Variants in TMEM63C observed in about 807,000 individuals in gnomAD.
The protein encoded by TMEM63C is osmosensitive cation channel TMEM63C.
Under a neutral mutation model 99.2 loss-of-function variants are expected in TMEM63C, and 32 were observed. The ratio of observed to expected loss-of-function variants is 0.32; its 90% CI spans 0.24 to 0.43. TMEM63C has a LOEUF of 0.43. Ranked by LOEUF, TMEM63C falls within the 20% of genes least tolerant of loss-of-function variation. The pLI, the probability that TMEM63C is intolerant of heterozygous loss-of-function variation, is 1.00. For synonymous variants in TMEM63C, 376 were observed against 397.9 expected, an observed-to-expected ratio of 0.94 and a Z score of 0.66; for missense variants, 826 against 1,053.0, an observed-to-expected ratio of 0.78 and a Z score of 2.98.
chr14:77,218,115 C>G (rs192213061), intron 2 of TMEM63C, among the ~76,000 whole-genome samples: 24 of 151,968 alleles, frequency 1.6e-4, no homozygotes, highest in Admixed American at 1.4e-3. Flanking sequence ...AGGATAAATG[C>G]TCGAAAGGAT....
chr14:77,191,468 A>G (rs1372245321), intron 1 of TMEM63C, among the ~76,000 whole-genome samples: 1 of 148,708 alleles, frequency 6.7e-6, no homozygotes, highest in Non-Finnish European at 1.5e-5. Flanking sequence ...TCTATTAGGT[A>G]CAATTGGTCT....
intron 5 of TMEM63C, among the ~76,000 whole-genome samples, chr14:77,224,488 G>A (rs568128429): frequency 6.6e-6 from 1 of 152,196 alleles, no homozygotes; most frequent in Admixed American, 6.5e-5. Flanking sequence ...AAGTCCTCTG[G>A]GATCCCAGAA....
At chr14:77,245,884 C>A (rs1889261802) in intron 16 of TMEM63C, 56 bp from the exon 17 acceptor site, 2 of 1,283,138 alleles carry the variant, frequency 1.6e-6, no homozygotes, top group Admixed American at 1.7e-5. Flanking sequence ...CATAGTTAGG[C>A]CTTTGGTTCT....
rs747546793 is a variant in TMEM63C at position 77,246,015 on chromosome 14, G to A, written c.1524G>A (p.Met508Ile). 3.2e-5 allele frequency: 51 copies of A among 1,613,218 alleles called. No individual in the cohort carries two copies. Among genetic ancestry groups the A allele is most frequent in the Non-Finnish European group, 3.9e-5 (46 of 1,179,186 alleles). ...LVFMVVILPS[M>I]GLTSLDVFLR... ...TCATGGTAGTCATTCTGCCCTCTATGGGACTGACCAGGTACCTCACTTCCA... is the reference window on the plus strand; with the variant it reads ...TCATGGTAGTCATTCTGCCCTCTATAGGACTGACCAGGTACCTCACTTCCA... Residue 508 changes from methionine (M) to isoleucine (I), a missense_variant, in exon 17 of 24, where the codon ATG (methionine) becomes ATA (isoleucine). Transcript: ENST00000298351.
intron 7 of TMEM63C, among the ~76,000 whole-genome samples, chr14:77,232,406 G>C (rs1274040211): frequency 1.3e-5 from 2 of 152,100 alleles, no homozygotes; most frequent in African/African-American, 2.4e-5. Flanking sequence ...TCCTGCCTCA[G>C]CCTCCTGAGT....
At chr14:77,186,168 C>T (rs568267970) in intron 1 of TMEM63C, among the ~76,000 whole-genome samples, 5 of 152,144 alleles carry the variant, frequency 3.3e-5, no homozygotes, top group Admixed American at 1.3e-4. Context: ...TGCGCCAACA[C>T]GTCGGCTAAT....
intron 16 of TMEM63C, 140 bp downstream of exon 16, chr14:77,244,595 A>G (rs1308127401): frequency 3.0e-6 from 2 of 676,682 alleles, no homozygotes; most frequent in Non-Finnish European, 5.1e-6. Flanking sequence ...GATACCTGAA[A>G]CCATCCCCAA....
At chr14:77,240,244 G>T (rs1465879978) in intron 12 of TMEM63C, among the ~76,000 whole-genome samples, 1 of 152,202 alleles carries the variant, frequency 6.6e-6, no homozygotes, top group Non-Finnish European at 1.5e-5. Flanking sequence ...AAGCCCCCGG[G>T]TACCCCTAGC....
In TMEM63C at chr14:77,218,917, T is replaced by C. The variant is rs769680433; in HGVS notation, c.104T>C (p.Phe35Ser). The stretch of plus-strand genomic sequence containing the variant: ...AACACCGTCCTCCAGGGGCAGCCCT[T>C]TGGGGGTGTCCCCACCGTGCTGTGC... ...SRNTVLQGQP[F>S]GGVPTVLCLN... Residue 35 changes from phenylalanine to serine, a missense_variant, in exon 3 of 24, where the codon TTT (phenylalanine) becomes TCT (serine). Coordinates refer to ENST00000298351, the MANE Select transcript of TMEM63C (RefSeq NM_020431.4). 5.0e-6 allele frequency: 8 copies of C among 1,610,276 alleles called. No homozygotes were observed. The Admixed American group carries it at 5.0e-5, about 10-fold the overall frequency.
chr14:77,226,438 T>A (rs41438045), intron 6 of TMEM63C, among the ~76,000 whole-genome samples: 16,579 of 152,232 alleles, frequency 0.11, 1,023 homozygotes, highest in Middle Eastern at 0.17. Flanking sequence ...GCGGTCTGGT[T>A]GGAGAAACAA....
intron 1 of TMEM63C, among the ~76,000 whole-genome samples, chr14:77,207,241 G>A (rs1888417644): frequency 1.3e-5 from 2 of 152,242 alleles, no homozygotes; most frequent in South Asian, 2.1e-4. Flanking sequence ...GGGTGGGGAA[G>A]CCAACACACT....
chr14:77,248,562 T>C, intron 19 of TMEM63C, 53 bp downstream of exon 19: 20 of 1,554,022 alleles, frequency 1.3e-5, no homozygotes, highest in Non-Finnish European at 1.7e-5. Context: ...TGGGAGGGTG[T>C]CAGGGATAGA....
chr14:77,250,629 A>G (rs984754632), intron 21 of TMEM63C, among the ~76,000 whole-genome samples: 2 of 151,778 alleles, frequency 1.3e-5, no homozygotes, highest in African/African-American at 2.4e-5. Context: ...TAGTAGAGAC[A>G]GGGTTTCACC....
In TMEM63C at chr14:77,256,590, G is replaced by T; in HGVS notation, c.2285G>T (p.Arg762Met). 1 of 1,613,992 alleles carries T rather than the reference G, an allele frequency of 6.2e-7. No homozygotes were observed. Among genetic ancestry groups the T allele is most frequent in the Non-Finnish European group, 8.5e-7 (1 of 1,179,894 alleles). ...LNLTPASSPARHTYGTMNNQP... is the reference protein window; with the variant it reads ...LNLTPASSPAMHTYGTMNNQP... ...CTGACCCCCGCCTCCTCCCCAGCCA[G>T]GCACACCTATGGCACCATGAACAAC... The change falls in exon 24 of 24, where the codon AGG (arginine) becomes ATG (methionine). Residue 762 changes from arginine (R) to methionine (M), a missense_variant. Coordinates refer to ENST00000298351, the MANE Select transcript of TMEM63C (RefSeq NM_020431.4).
chr14:77,207,340 G>A (rs562119275), intron 1 of TMEM63C, among the ~76,000 whole-genome samples: 16 of 152,348 alleles, frequency 1.1e-4, no homozygotes, highest in Non-Finnish European at 1.9e-4. Flanking sequence ...AAGAGGATAA[G>A]TTTCTTAACC....
intron 1 of TMEM63C, among the ~76,000 whole-genome samples, chr14:77,189,861 G>A (rs1280091802): frequency 5.3e-5 from 8 of 152,296 alleles, no homozygotes; most frequent in Admixed American, 3.9e-4. Context: ...CTCTTTGCAC[G>A]TCTGAAATGT....
At chr14:77,240,243 G>A (rs569429190) in intron 12 of TMEM63C, among the ~76,000 whole-genome samples, 1 of 152,300 alleles carries the variant, frequency 6.6e-6, no homozygotes, top group African/African-American at 2.4e-5. Context: ...AAAGCCCCCG[G>A]GTACCCCTAG....
chr14:77,233,691 T>C (rs898406893), intron 8 of TMEM63C, among the ~76,000 whole-genome samples, 191 bp downstream of exon 8: 4 of 152,010 alleles, frequency 2.6e-5, no homozygotes, highest in African/African-American at 9.7e-5. Context: ...TGGTGTGAGA[T>C]GAGGCCCTGT....
At chr14:77,217,886 A>G (rs1888615345) in intron 2 of TMEM63C, among the ~76,000 whole-genome samples, 1 of 152,332 alleles carries the variant, frequency 6.6e-6, no homozygotes, top group South Asian at 2.1e-4. Context: ...CAAAAAAATT[A>G]AAACAATTGA....
Sources: allele counts gnomAD v4.1 joint callset (sites outside exome capture counted in the v4.1 genomes callset), GRCh38; gene constraint gnomAD v4.1.1; transcripts MANE v1.5; gene names NCBI Gene and HGNC (gene_info 2026-07-23, HGNC 2026-07-21).